Variants in LMNTD1 observed in about 807,000 individuals in gnomAD.
LMNTD1 encodes lamin tail domain containing 1.
In LMNTD1, 35 loss-of-function variants were observed where a neutral mutation model predicts 50.9. The observed-to-expected ratio is 0.69, with a 90% CI of 0.53 to 0.91. The LOEUF is 0.91. Among genes scored for constraint, LMNTD1 ranks in the 40% least tolerant of loss-of-function variants. LMNTD1 has a pLI of 0.00. For missense variants in LMNTD1, 470 were observed against 475.5 expected (o/e 0.99, Z 0.11); for synonymous variants, 153 against 161.9 (o/e 0.94, Z 0.42).
intron 1 of LMNTD1, among the ~76,000 whole-genome samples, chr12:25,566,016 ATTCT>A (rs1944543294): frequency 6.6e-6 from 1 of 152,172 alleles, no homozygotes; most frequent in Non-Finnish European, 1.5e-5. Context: ...TGCTTTTAGA[ATTCT>A]TTCTTTGTCC....
chr12:25,525,279 T>C lies in LMNTD1; in HGVS notation c.798+820A>G, dbSNP rs1017982323. The stretch of plus-strand genomic sequence containing the variant: ...ACTGCGAACAAATTACCCAAAGCTA[T>C]TGCTAATGCCCTTAATTTTATAAGG... On this transcript the variant is annotated intron_variant, in intron 6 of 9. Transcript: ENST00000458174. 1.1e-4 allele frequency among the ~76,000 whole-genome samples: 17 copies of C among 152,160 alleles called. 1 individual carries two copies. Among genetic ancestry groups the C allele is most frequent in the Admixed American group, 1.1e-3 (17 of 15,264 alleles).
rs569707781 is a variant in LMNTD1, at chr12:25,616,022, C to T, written c.58+32472G>A. Among the ~76,000 whole-genome samples, 5 of 152,120 alleles carry T rather than the reference C, an allele frequency of 3.3e-5. No individual in the cohort carries two copies. The East Asian group carries it at 7.8e-4, about 24-fold the overall frequency. ...ACCCAGTGGTGAACCAATTAAGTTC[C>T]TGTCCTCATGAAGTCTACTTCTAGT... On this transcript the variant is annotated intron_variant, in intron 1 of 7. Coordinates refer to the LMNTD1 transcript ENST00000445693.
chr12:25,489,628 C>T (rs1938819776), intron 9 of LMNTD1, among the ~76,000 whole-genome samples: 2 of 152,066 alleles, frequency 1.3e-5, no homozygotes, highest in South Asian at 2.1e-4. Context: ...GGAGCTGTTC[C>T]TATTCGGCCA....
At chr12:25,513,876 G>C (rs1940525234) in intron 8 of LMNTD1, among the ~76,000 whole-genome samples, 1 of 151,986 alleles carries the variant, frequency 6.6e-6, no homozygotes, top group Non-Finnish European at 1.5e-5. Flanking sequence ...AGAATTTTAT[G>C]GAAAAAAATG....
intron 8 of LMNTD1, among the ~76,000 whole-genome samples, chr12:25,512,864 T>TGG (rs200683693): frequency 3.5e-4 from 50 of 142,084 alleles, no homozygotes; most frequent in Middle Eastern, 3.7e-3. Flanking sequence ...TTTTTTTTTA[T>TGG]GGGGGGGGGC....
intron 6 of LMNTD1, among the ~76,000 whole-genome samples, chr12:25,523,906 A>C (rs74070518): frequency 0.02 from 3,001 of 151,418 alleles, 117 homozygotes; most frequent in African/African-American, 0.069. Context: ...GCCTATTGAG[A>C]GGCAAGAGCA....
intron 1 of LMNTD1, among the ~76,000 whole-genome samples, chr12:25,562,644 G>A (rs932156939): frequency 1.3e-5 from 2 of 152,130 alleles, no homozygotes; most frequent in Non-Finnish European, 2.9e-5. Flanking sequence ...AAGTATCTTT[G>A]TGGCGTTCTC....
intron 1 of LMNTD1, among the ~76,000 whole-genome samples, chr12:25,643,657 T>A (rs914941277): frequency 3.9e-5 from 6 of 152,154 alleles, no homozygotes; most frequent in African/African-American, 1.4e-4. Flanking sequence ...ACTAATCGAG[T>A]GTCACTTGGA....
chr12:25,552,581 G>GGAAA (rs1352627059), intron 2 of LMNTD1, among the ~76,000 whole-genome samples: 3 of 58,170 alleles, frequency 5.2e-5, no homozygotes, highest in African/African-American at 1.7e-4. Context: ...CACTCTGTCT[G>GGAAA]AAAAAAAAAA....
At chr12:25,631,153 G>A (rs1197264224) in intron 1 of LMNTD1, among the ~76,000 whole-genome samples, 1 of 151,970 alleles carries the variant, frequency 6.6e-6, no homozygotes, top group Non-Finnish European at 1.5e-5. Flanking sequence ...CATCCAAGGA[G>A]ACTCTGAGCT....
intron 1 of LMNTD1, among the ~76,000 whole-genome samples, chr12:25,604,484 G>A (rs1298299649): frequency 6.6e-6 from 1 of 151,962 alleles, no homozygotes; most frequent in Non-Finnish European, 1.5e-5. Flanking sequence ...ATCTCCTAAT[G>A]CTATCCCTCC....
At chr12:25,577,764 T>C (rs888870240) in intron 1 of LMNTD1, among the ~76,000 whole-genome samples, 49 of 152,180 alleles carry the variant, frequency 3.2e-4, no homozygotes, top group African/African-American at 1.2e-3. Context: ...CTTGTGCCAG[T>C]TTTCAAAGGG....
chr12:25,531,444 T>C (rs1942217121), intron 4 of LMNTD1, among the ~76,000 whole-genome samples: 1 of 152,234 alleles, frequency 6.6e-6, no homozygotes, highest in African/African-American at 2.4e-5. Context: ...TTTAGTCTAG[T>C]GTCTCGTTAT....
At chr12:25,501,616 C>G (rs1030304992) in intron 9 of LMNTD1, among the ~76,000 whole-genome samples, 1 of 152,174 alleles carries the variant, frequency 6.6e-6, no homozygotes, top group African/African-American at 2.4e-5. Context: ...GTCACTTAAT[C>G]TCTCTGATCT....
intron 2 of LMNTD1, among the ~76,000 whole-genome samples, chr12:25,550,050 T>C (rs1196414861): frequency 6.6e-6 from 1 of 152,210 alleles, no homozygotes; most frequent in Non-Finnish European, 1.5e-5. Flanking sequence ...CTAACTTTTC[T>C]ATATTAATTA....
At chr12:25,583,014 ATT>A (rs34107463) in intron 1 of LMNTD1, among the ~76,000 whole-genome samples, 85 of 135,370 alleles carry the variant, frequency 6.3e-4, no homozygotes, top group Middle Eastern at 3.9e-3. Context: ...TGCCTGGATA[ATT>A]TTTTTTTTTT....
intron 2 of LMNTD1, among the ~76,000 whole-genome samples, chr12:25,550,465 T>C (rs1221690986): frequency 1.3e-5 from 2 of 152,180 alleles, no homozygotes; most frequent in African/African-American, 4.8e-5. Flanking sequence ...CCAAACCCTT[T>C]ATTTCTCTGA....
intron 9 of LMNTD1, among the ~76,000 whole-genome samples, chr12:25,501,117 G>A (rs1407780040): frequency 6.6e-6 from 1 of 152,124 alleles, no homozygotes; most frequent in East Asian, 1.9e-4. Flanking sequence ...AGCCTCTCGA[G>A]TAGCTGGGAC....
At chr12:25,483,832 C>A (rs1311419231) in intron 9 of LMNTD1, among the ~76,000 whole-genome samples, 1 of 151,232 alleles carries the variant, frequency 6.6e-6, no homozygotes. Context: ...TGGGTAATAA[C>A]CCCAAACAAT....
Sources: allele counts gnomAD v4.1 joint callset (sites outside exome capture counted in the v4.1 genomes callset), GRCh38; gene constraint gnomAD v4.1.1; transcripts MANE v1.5; gene names NCBI Gene and HGNC (gene_info 2026-07-23, HGNC 2026-07-21).